Variants in KCNQ1 observed in about 807,000 individuals in gnomAD.
KCNQ1 encodes potassium voltage-gated channel subfamily KQT member 1.
A neutral mutation model predicts 72.4 loss-of-function variants in KCNQ1; 49 were observed. The ratio of observed to expected loss-of-function variants is 0.68; its 90% CI spans 0.54 to 0.86. The LOEUF (loss-of-function observed/expected upper bound fraction) is 0.86, where lower values mean the gene tolerates loss of function less well. KCNQ1 is among the 40% of genes least tolerant of loss of function. KCNQ1 has a pLI of 0.00. For synonymous variants in KCNQ1, 450 were observed against 412.6 expected (o/e 1.09, Z -1.10); for missense variants, 790 against 945.1 (o/e 0.84, Z 2.15).
At chr11:2,838,105 C>T (rs1173692408) in intron 15 of KCNQ1, among the ~76,000 whole-genome samples, 1 of 152,202 alleles carries the variant, frequency 6.6e-6, no homozygotes, top group East Asian at 1.9e-4. Flanking sequence ...GGTATACCTG[C>T]TGCACGCCAA....
intron 11 of KCNQ1, chr11:2,662,582 C>G: frequency 2.4e-6 from 1 of 420,180 alleles, no homozygotes. Context: ...GCCTGGGATG[C>G]ATGCCCGTCC....
intron 10 of KCNQ1, chr11:2,616,348 G>GT (rs565354154): frequency 2.5e-6 from 1 of 397,414 alleles, no homozygotes; most frequent in South Asian, 1.3e-4. Context: ...GCAACTTTTG[G>GT]TTTTGTTAAA....
chr11:2,796,924 T>G (rs1847146938), intron 15 of KCNQ1, among the ~76,000 whole-genome samples: 1 of 152,232 alleles, frequency 6.6e-6, no homozygotes, highest in African/African-American at 2.4e-5. Flanking sequence ...GTAAATGGTT[T>G]CTGTGTGGAG....
rs540603285 is a variant in KCNQ1, at chr11:2,483,539, G to A, written c.386+38055G>A. On this transcript the variant is annotated intron_variant, in intron 1 of 15. Transcript: ENST00000155840. The surrounding 1 kb of genome is among the most constrained non-coding windows in gnomAD (Gnocchi z 6.1). ...GCTTTCAGCTGCCAGGTCTCCTTTC[G>A]TGTCCTGCAGCCTGTGCCAGCTCCT... Among the ~76,000 whole-genome samples, 12 of 152,222 alleles carry A rather than the reference G, an allele frequency of 7.9e-5. No individual in the cohort carries two copies. Among genetic ancestry groups the A allele is most frequent in the Admixed American group, 1.3e-4 (2 of 15,294 alleles).
At chr11:2,569,354 T>G (rs1239099700) in intron 2 of KCNQ1, among the ~76,000 whole-genome samples, 1 of 152,220 alleles carries the variant, frequency 6.6e-6, no homozygotes, top group Non-Finnish European at 1.5e-5. Context: ...CCCAAACACA[T>G]GCCGGATGGT....
rs890300100 is a variant in KCNQ1, at chr11:2,674,368, C to T, written c.1514+12287C>T. Reference sequence around the variant, plus strand: ...TCCATTCGCTCTTGGCAAAGAGCAGCTTCCTGCTTAGGGAAGGTGCATGCG... The same window carrying T: ...TCCATTCGCTCTTGGCAAAGAGCAGTTTCCTGCTTAGGGAAGGTGCATGCG... On this transcript the variant is annotated intron_variant, in intron 11 of 15. Coordinates refer to ENST00000155840, the MANE Select transcript of KCNQ1 (RefSeq NM_000218.3). This position sits in a 1 kb window ranked among gnomAD's most constrained non-coding sequence, Gnocchi z 5.9. 4.0e-5 allele frequency: 15 copies of T among 378,394 alleles called. No individual in the cohort carries two copies. Among genetic ancestry groups the T allele is most frequent in the East Asian group, 3.0e-4 (8 of 26,358 alleles). 23.4% of individuals were successfully genotyped at this position (378,394 alleles called of 1,614,324 possible). A position where few individuals can be genotyped will look rare whatever the true frequency, so the allele number is the denominator to read the frequency against.
rs562797878 is a variant in KCNQ1 at position 2,817,735 on chromosome 11, C to T, written c.1795-30032C>T. On this transcript the variant is annotated intron_variant, in intron 15 of 15. Transcript: ENST00000155840. This position sits in a 1 kb window ranked among gnomAD's most constrained non-coding sequence, Gnocchi z 6.1. ...AGGGGCCTACCCACTTACGACCCAC[C>T]TCCTCTCCTCCATGGCAAAGGTGAT... Among the ~76,000 whole-genome samples the T allele has an allele frequency of 6.6e-6, 1 of 152,216 alleles. No homozygotes were observed. Among genetic ancestry groups the T allele is most frequent in the African/African-American group, 2.4e-5 (1 of 41,506 alleles).
chr11:2,572,830 G>A lies in KCNQ1; in HGVS notation c.781-16G>A. On this transcript the variant is annotated splice_polypyrimidine_tract_variant and intron_variant, in intron 5 of 15. Transcript: ENST00000155840. ...TGCGGTTCCTGGAGCCCGACACTGT[G>A]TGTTTTCTGGCCTAGGAGCTGATAA... 1 of 1,613,632 alleles carries A rather than the reference G, an allele frequency of 6.2e-7. No homozygotes were observed. The highest frequency in any genetic ancestry group is 8.5e-7 in the Non-Finnish European group (1 of 1,180,004).
intron 11 of KCNQ1, chr11:2,693,893 C>G (rs746879458): frequency 2.0e-4 from 81 of 398,678 alleles, no homozygotes; most frequent in Middle Eastern, 6.2e-4. Context: ...CCTACTCGTC[C>G]TCCTCCTGGA....
Position 2,463,258 on chromosome 11 carries a change from G to A in KCNQ1, c.386+17774G>A, listed in dbSNP as rs966917270. 2.0e-5 allele frequency among the ~76,000 whole-genome samples: 3 copies of A among 152,154 alleles called. No individual in the cohort carries two copies. Among genetic ancestry groups the A allele is most frequent in the Non-Finnish European group, 4.4e-5 (3 of 68,022 alleles). On this transcript the variant is annotated intron_variant, in intron 1 of 15. Coordinates refer to ENST00000155840, the MANE Select transcript of KCNQ1 (RefSeq NM_000218.3). This position sits in a 1 kb window ranked among gnomAD's most constrained non-coding sequence, Gnocchi z 7.0. ...AGAGCCTAATCCCTACCTGCCAGTG[G>A]GTGACACAGAAGGCAGGAATGCAGA...
intron 11 of KCNQ1, among the ~76,000 whole-genome samples, chr11:2,758,804 G>A (rs141628206): frequency 5.9e-5 from 9 of 152,294 alleles, no homozygotes; most frequent in Middle Eastern, 3.4e-3. Context: ...CCGAAAGGTC[G>A]CATGCTGTGT....
intron 11 of KCNQ1, chr11:2,694,114 C>G (rs1473012065): frequency 1.0e-5 from 4 of 398,520 alleles, no homozygotes; most frequent in African/African-American, 2.1e-5. Flanking sequence ...GGTTGTGGGA[C>G]TGGAAGTGCT....
In KCNQ1 at chr11:2,654,549, A is replaced by C; in HGVS notation, c.1394-7412A>C. On this transcript the variant is annotated intron_variant, in intron 10 of 15. Transcript: ENST00000155840. The surrounding 1 kb of genome is among the most constrained non-coding windows in gnomAD (Gnocchi z 6.4). ...GAAGAGGGCTTGGGTTACACCTGGG[A>C]GATTAGGCCGGATTTTAATCAATCA... The C allele has an allele frequency of 2.5e-6, 1 of 398,402 alleles. No individual in the cohort carries two copies. Among genetic ancestry groups the C allele is most frequent in the East Asian group, 3.6e-5 (1 of 28,058 alleles). The allele number at this position is 398,402 out of a possible 1,614,324, so 24.7% of individuals were successfully genotyped here.
At chr11:2,548,144 A>G (rs1012597425) in intron 2 of KCNQ1, among the ~76,000 whole-genome samples, 1 of 152,142 alleles carries the variant, frequency 6.6e-6, no homozygotes, top group African/African-American at 2.4e-5. Context: ...GCCCAGGATA[A>G]GGTGGCGGCA....
chr11:2,649,459 G>A lies in KCNQ1; in HGVS notation c.1394-12502G>A, dbSNP rs142006218. 936 of 398,418 alleles carry A rather than the reference G, an allele frequency of 2.3e-3. 4 individuals are homozygous for A. Among genetic ancestry groups the A allele is most frequent in the African/African-American group, 0.017 (841 of 48,672 alleles). The allele number at this position is 398,418 out of a possible 1,614,324, so 24.7% of individuals were successfully genotyped here. The stretch of plus-strand genomic sequence containing the variant: ...TAGTACTCCCTTAAGCATTTCTTGT[G>A]GGGCTGATTTAGTAGTAATGAATTC... On this transcript the variant is annotated intron_variant, in intron 10 of 15. Coordinates refer to ENST00000155840, the MANE Select transcript of KCNQ1 (RefSeq NM_000218.3).
rs552057977 is a variant in KCNQ1 at position 2,817,382 on chromosome 11, A to T, written c.1795-30385A>T. On this transcript the variant is annotated intron_variant, in intron 15 of 15. Transcript: ENST00000155840. The surrounding 1 kb of genome is among the most constrained non-coding windows in gnomAD (Gnocchi z 6.1). ...TGTTGCACCCCAGGAGGAGAATCACACCAGTGCCCCCTGACCCCCAGCCTT... is the reference window on the plus strand; with the variant it reads ...TGTTGCACCCCAGGAGGAGAATCACTCCAGTGCCCCCTGACCCCCAGCCTT... Among the ~76,000 whole-genome samples, 1 of 151,968 alleles carries T rather than the reference A, an allele frequency of 6.6e-6. No individual in the cohort carries two copies. Among genetic ancestry groups the T allele is most frequent in the East Asian group, 1.9e-4 (1 of 5,136 alleles).
intron 15 of KCNQ1, among the ~76,000 whole-genome samples, chr11:2,779,594 A>G (rs1041453891): frequency 2.0e-5 from 3 of 152,070 alleles, no homozygotes; most frequent in Non-Finnish European, 2.9e-5. Flanking sequence ...CTCTGGTTCC[A>G]TTGCCTACAC....
In KCNQ1 at chr11:2,599,198, G is replaced by GA. The variant is rs1314896407; in HGVS notation, c.1393+10347dup. 6.6e-6 allele frequency among the ~76,000 whole-genome samples: 1 copy of GA among 152,052 alleles called. No homozygotes were observed. The highest frequency in any genetic ancestry group is 6.6e-5 in the Admixed American group (1 of 15,256). ...TCCTGATGTTCATATAATATTCAAT[G>GA]AAATAAAATACATGTGACATAATGA... is the stretch of plus-strand genomic sequence containing the variant. On this transcript the variant is annotated intron_variant, in intron 10 of 15. Transcript: ENST00000155840. The surrounding 1 kb of genome is among the most constrained non-coding windows in gnomAD (Gnocchi z 4.7).
intron 15 of KCNQ1, among the ~76,000 whole-genome samples, chr11:2,846,165 A>G (rs1278068474): frequency 6.6e-6 from 1 of 152,146 alleles, no homozygotes; most frequent in African/African-American, 2.4e-5. Context: ...CGCCCGGCGC[A>G]GCCTAGGGTG....
Sources: gnomAD v4.1 joint callset for allele counts (sites outside exome capture counted in the v4.1 genomes callset) on GRCh38, gnomAD v4.1.1 for gene constraint, Gnocchi (gnomAD v3.1) non-coding constraint, MANE v1.5 for transcripts, NCBI Gene and HGNC (gene_info 2026-07-23, HGNC 2026-07-21) for gene names.